Variants in GAPDHS observed in about 807,000 individuals in gnomAD.
GAPDHS encodes glyceraldehyde-3-phosphate dehydrogenase, spermatogenic.
GAPDHS carries 42 observed loss-of-function variants against 48.7 expected under a neutral mutation model. The observed-to-expected ratio is 0.86, with a 90% CI of 0.67 to 1.12. The LOEUF (loss-of-function observed/expected upper bound fraction) is 1.12, where lower values mean the gene tolerates loss of function less well. Ranked by LOEUF, GAPDHS falls within the 50% of genes most tolerant of loss-of-function variation. The pLI, the probability that GAPDHS is intolerant of heterozygous loss-of-function variation, is 0.00. For synonymous variants in GAPDHS, 166 were observed against 219.1 expected (o/e 0.76, Z 2.14); for missense variants, 512 against 557.7 (o/e 0.92, Z 0.82).
At chr19:35,543,295 G>A (rs1322303333) in intron 7 of GAPDHS, 45 bp from the exon 8 acceptor site, 4 of 1,599,560 alleles carry the variant, frequency 2.5e-6, no homozygotes, top group African/African-American at 2.7e-5. Flanking sequence ...AGGCATGGGA[G>A]CTTAGGAGCA....
At chr19:35,534,397 C>A (rs1490945651) in intron 1 of GAPDHS, among the ~76,000 whole-genome samples, 1 of 152,198 alleles carries the variant, frequency 6.6e-6, no homozygotes, top group Admixed American at 6.5e-5. Context: ...GAACCCCTGC[C>A]CTGCGCATCA....
intron 9 of GAPDHS, 85 bp downstream of exon 9, chr19:35,543,912 GC>G: frequency 6.9e-7 from 1 of 1,449,858 alleles, no homozygotes; most frequent in Non-Finnish European, 9.1e-7. Flanking sequence ...CTCTCAATGT[GC>G]CAAGTCAGAA....
chr19:35,536,723 G>C (rs2071468210), intron 1 of GAPDHS, 90 bp from the exon 2 acceptor site: 6 of 1,106,418 alleles, frequency 5.4e-6, no homozygotes, highest in Non-Finnish European at 7.9e-6. Flanking sequence ...GAGGGGCCAG[G>C]AGCCAGCAAC....
At chr19:35,539,953 C>T (rs1465749567) in intron 4 of GAPDHS, among the ~76,000 whole-genome samples, 1 of 152,208 alleles carries the variant, frequency 6.6e-6, no homozygotes, top group Non-Finnish European at 1.5e-5. Context: ...GTCACTTGTG[C>T]AATGCAGTTC....
rs890036673 is a variant in GAPDHS at position 35,545,319 on chromosome 19, G to A, written c.*149G>A. The A allele has an allele frequency of 2.7e-6, 2 of 728,928 alleles. No homozygotes were observed. Among genetic ancestry groups the A allele is most frequent in the African/African-American group, 1.7e-5 (1 of 57,688 alleles). 45.2% of individuals were successfully genotyped at this position (728,928 alleles called of 1,614,324 possible). A position where few individuals can be genotyped will look rare whatever the true frequency, so the allele number is the denominator to read the frequency against. On this transcript the variant is annotated 3_prime_UTR_variant, in exon 11 of 11. Coordinates refer to ENST00000222286, the MANE Select transcript of GAPDHS (RefSeq NM_014364.5). Reference sequence around the variant, plus strand: ...TGGTGAAATAAAAAACAGTGCTCACGGCTGCGTCCCGTATCTCTGCGCCGG... The same window carrying A: ...TGGTGAAATAAAAAACAGTGCTCACAGCTGCGTCCCGTATCTCTGCGCCGG...
At chr19:35,536,368 TCAGGAGTTCGAGAC>T (rs1208816241) in intron 1 of GAPDHS, among the ~76,000 whole-genome samples, 1 of 151,476 alleles carries the variant, frequency 6.6e-6, no homozygotes, top group Non-Finnish European at 1.5e-5. Flanking sequence ...TCACCTAAGG[TCAGGAGTTCGAGAC>T]CAGCCTGGCC....
At chr19:35,539,211 C>T (rs952473800) in intron 4 of GAPDHS, among the ~76,000 whole-genome samples, 20 of 152,220 alleles carry the variant, frequency 1.3e-4, no homozygotes, top group Admixed American at 1.3e-3. Flanking sequence ...CGCACATTTG[C>T]ATGTTTTCTC....
chr19:35,544,592 C>A, intron 9 of GAPDHS: 1 of 386,380 alleles, frequency 2.6e-6, no homozygotes, highest in Non-Finnish European at 4.8e-6. Flanking sequence ...TCATCTAGAC[C>A]CAGGCTCATG....
In GAPDHS at chr19:35,544,862, G is replaced by A. The variant is rs1310283924; in HGVS notation, c.1057-47G>A. The A allele has an allele frequency of 6.2e-6, 7 of 1,125,902 alleles. No homozygotes were observed. In the Admixed American group the frequency reaches 1.0e-4, roughly 16 times the overall value. 69.7% of individuals were successfully genotyped at this position (1,125,902 alleles called of 1,614,324 possible). A position where few individuals can be genotyped will look rare whatever the true frequency, so the allele number is the denominator to read the frequency against. ...AGAGTCGGGGCCTCAGCTCCTGGAG[G>A]TCCTTGCTCTGCCGGACACACTTAT... On this transcript the variant is annotated intron_variant, in intron 9 of 10. Coordinates refer to ENST00000222286, the MANE Select transcript of GAPDHS (RefSeq NM_014364.5).
rs746493108 is a variant in GAPDHS, at chr19:35,533,616, G to T, written c.67+22G>T. ...CCGGGTGAGGGAGGCAGCGGAGGGC[G>T]CGGGGGAGGGGTGGAAAGGGTAGTG... On this transcript the variant is annotated intron_variant, in intron 1 of 10. Transcript: ENST00000222286. 7.5e-6 allele frequency: 12 copies of T among 1,592,108 alleles called. No individual in the cohort carries two copies. In the East Asian group the frequency reaches 2.7e-4, roughly 36 times the overall value.
intron 1 of GAPDHS, among the ~76,000 whole-genome samples, chr19:35,535,756 G>A (rs2146292418): frequency 1.4e-5 from 2 of 147,646 alleles, no homozygotes; most frequent in African/African-American, 5.0e-5. Context: ...TTTCTAGGAA[G>A]AGCCCTCCTC....
intron 2 of GAPDHS, 108 bp downstream of exon 2, chr19:35,537,098 C>A (rs562972372): frequency 3.2e-6 from 3 of 944,178 alleles, no homozygotes; most frequent in South Asian, 1.6e-5. Context: ...GCTTTCGTTC[C>A]GACGACCCTG....
chr19:35,541,134 G>A (rs1490977764), intron 4 of GAPDHS: 1 of 152,044 alleles, frequency 6.6e-6, no homozygotes, highest in East Asian at 1.9e-4. Context: ...GACAGAGTGA[G>A]ACTCTGTCTC....
intron 9 of GAPDHS, chr19:35,544,545 A>G (rs2071531112): frequency 3.8e-6 from 1 of 262,572 alleles, no homozygotes; most frequent in South Asian, 6.3e-5. Context: ...TACCTCAGAC[A>G]CTGTGCTGAG....
chr19:35,538,507 C>A, intron 3 of GAPDHS, 70 bp from the exon 4 acceptor site: 1 of 1,272,104 alleles, frequency 7.9e-7, no homozygotes, highest in Non-Finnish European at 1.1e-6. Flanking sequence ...GAGACCTTCA[C>A]CAAAGAGGGG....
chr19:35,542,893 G>A (rs2071514616), intron 6 of GAPDHS, 52 bp from the exon 7 acceptor site: 23 of 1,346,282 alleles, frequency 1.7e-5, no homozygotes, highest in Non-Finnish European at 2.5e-5. Context: ...AGGGTGGAGG[G>A]GTGGCTCTGC....
At chr19:35,540,474 T>C (rs957026114) in intron 4 of GAPDHS, among the ~76,000 whole-genome samples, 4 of 151,866 alleles carry the variant, frequency 2.6e-5, no homozygotes, top group African/African-American at 9.7e-5. Flanking sequence ...AGGCAGGAAA[T>C]GGGGGGTATC....
chr19:35,545,066 C>A (rs760991031), intron 10 of GAPDHS, 32 bp from the exon 11 acceptor site: 1 of 1,608,022 alleles, frequency 6.2e-7, no homozygotes, highest in Admixed American at 1.7e-5. Flanking sequence ...TCGGAAGGAA[C>A]CCCCTTGAAC....
rs760237226 is a variant in GAPDHS, at chr19:35,543,836, TGAGGA to T, written c.1056+17_1056+21del. 23 of 1,599,532 alleles carry T rather than the reference TGAGGA, an allele frequency of 1.4e-5. No individual in the cohort carries two copies. Among genetic ancestry groups the T allele is most frequent in the East Asian group, 1.3e-4 (6 of 44,614 alleles). ...CCTACACCGAGGATGAGGTAGGGGC[TGAGGA>T]GAGGAGACCCTGGGAGGAGCCCTCT... On this transcript the variant is annotated intron_variant, in intron 9 of 10. Transcript: ENST00000222286.
Sources: gnomAD v4.1 joint callset for allele counts (sites outside exome capture counted in the v4.1 genomes callset) on GRCh38, gnomAD v4.1.1 for gene constraint, MANE v1.5 for transcripts, NCBI Gene and HGNC (gene_info 2026-07-23, HGNC 2026-07-21) for gene names.